XRCC2: variants seen among roughly 807,000 people sequenced by gnomAD.
XRCC2 encodes the protein X-ray repair cross complementing 2, also known as DNA repair protein XRCC2.
A neutral mutation model predicts 27.3 loss-of-function variants in XRCC2; 24 were observed. The ratio of observed to expected loss-of-function variants is 0.88; its 90% CI spans 0.64 to 1.24. The LOEUF (loss-of-function observed/expected upper bound fraction) is 1.24. Ranked by LOEUF, XRCC2 falls within the 50% of genes most tolerant of loss-of-function variation. The pLI is 0.00. For synonymous variants in XRCC2, 106 were observed against 115.4 expected (o/e 0.92, Z 0.52); for missense variants, 321 against 325.8 (o/e 0.99, Z 0.11).
chr7:152,653,779 G>T (rs888486673), intron 2 of XRCC2, among the ~76,000 whole-genome samples: 1 of 152,058 alleles, frequency 6.6e-6, no homozygotes, highest in Non-Finnish European at 1.5e-5. Flanking sequence ...GAAATTTTTA[G>T]TTCACATAAT....
chr7:152,655,869 G>A (rs1386205088), intron 2 of XRCC2, among the ~76,000 whole-genome samples: 1 of 152,050 alleles, frequency 6.6e-6, no homozygotes, highest in African/African-American at 2.4e-5. Flanking sequence ...AAAATTTGCT[G>A]GGCATGGTAG....
At chr7:152,656,663 T>C (rs3218491) in intron 2 of XRCC2, among the ~76,000 whole-genome samples, 9,152 of 152,308 alleles carry the variant, frequency 0.06, 573 homozygotes, top group Admixed American at 0.19. Context: ...AATATTCTAA[T>C]GTAGAAGTTG....
In XRCC2 at chr7:152,673,182, A is replaced by T. The variant is rs1205808779; in HGVS notation, c.39+2859T>A. ...CTTCATCCCTAGAATCTGCTAAAAA[A>T]ATATATATTCTTTTTTTTGAGACAG... On this transcript the variant is annotated intron_variant, in intron 1 of 2. Transcript: ENST00000359321. 5.9e-5 allele frequency among the ~76,000 whole-genome samples: 9 copies of T among 152,184 alleles called. No homozygotes were observed. In the South Asian group the frequency reaches 8.3e-4, roughly 14 times the overall value.
At chr7:152,672,214 TTATAA>T (rs1314953529) in intron 1 of XRCC2, among the ~76,000 whole-genome samples, 24 of 152,222 alleles carry the variant, frequency 1.6e-4, no homozygotes, top group African/African-American at 5.8e-4. Flanking sequence ...AATGGAATAA[TTATAA>T]TGAAGGAACA....
intron 2 of XRCC2, among the ~76,000 whole-genome samples, chr7:152,655,392 C>T (rs2098030283): frequency 6.6e-6 from 1 of 152,162 alleles, no homozygotes; most frequent in African/African-American, 2.4e-5. Context: ...TACTGAATAA[C>T]TCCTATCCAA....
At chr7:152,653,750 C>G (rs1400056936) in intron 2 of XRCC2, among the ~76,000 whole-genome samples, 1 of 152,140 alleles carries the variant, frequency 6.6e-6, no homozygotes, top group African/African-American at 2.4e-5. Flanking sequence ...GCATGCACCA[C>G]CACACCCAAC....
chr7:152,649,815 C>A (rs1253650501), intron 2 of XRCC2, among the ~76,000 whole-genome samples: 1 of 152,154 alleles, frequency 6.6e-6, no homozygotes, highest in Non-Finnish European at 1.5e-5. Flanking sequence ...TACCAGGTAA[C>A]ACAGCTGTCG....
At chr7:152,672,095 T>C (rs972174595) in intron 1 of XRCC2, among the ~76,000 whole-genome samples, 5 of 152,138 alleles carry the variant, frequency 3.3e-5, no homozygotes, top group Non-Finnish European at 7.3e-5. Flanking sequence ...AGCCTAGTTG[T>C]GATTTTCTCT....
chr7:152,675,958 C>T (rs1253506125), intron 1 of XRCC2, 83 bp downstream of exon 1: 5 of 1,588,898 alleles, frequency 3.1e-6, no homozygotes, highest in South Asian at 1.1e-5. Flanking sequence ...CCAAGCCTCC[C>T]AATCCCCCGG....
chr7:152,671,665 A>G (rs964806624), intron 1 of XRCC2, among the ~76,000 whole-genome samples: 3 of 152,206 alleles, frequency 2.0e-5, no homozygotes, highest in Non-Finnish European at 4.4e-5. Flanking sequence ...ATTCCAGGAT[A>G]AGGTTGGATG....
intron 2 of XRCC2, among the ~76,000 whole-genome samples, chr7:152,653,151 A>G (rs2098029253): frequency 6.6e-6 from 1 of 152,122 alleles, no homozygotes; most frequent in African/African-American, 2.4e-5. Flanking sequence ...TTCTCGTGAT[A>G]GTGAGTAAGT....
chr7:152,666,860 C>A (rs1427696462), intron 1 of XRCC2, among the ~76,000 whole-genome samples: 1 of 151,702 alleles, frequency 6.6e-6, no homozygotes, highest in African/African-American at 2.4e-5. Flanking sequence ...TCAGGTGATC[C>A]ACCCGCCTCA....
rs556098889 is a variant in XRCC2 at position 152,645,863 on chromosome 7, G to C, written c.*2779C>G. ...ACCCAGGAGTTCGAGGCTGCAGTGA[G>C]TTATGATGCCACTGCACTCCAGCCT... On this transcript the variant is annotated 3_prime_UTR_variant, in exon 3 of 3. Coordinates refer to ENST00000359321, the MANE Select transcript of XRCC2 (RefSeq NM_005431.2). 1 of 152,278 alleles carries C rather than the reference G, an allele frequency of 6.6e-6. No homozygotes were observed. Among genetic ancestry groups the C allele is most frequent in the South Asian group, 2.1e-4 (1 of 4,834 alleles). The allele number at this position is 152,278 out of a possible 1,614,324, so 9.4% of individuals were successfully genotyped here. A position where few individuals can be genotyped will look rare whatever the true frequency, so the allele number is the denominator to read the frequency against.
Position 152,650,696 on chromosome 7 carries a change from G to C in XRCC2, c.122-1333C>G, listed in dbSNP as rs759082304. 2.6e-5 allele frequency among the ~76,000 whole-genome samples: 4 copies of C among 152,206 alleles called. No individual in the cohort carries two copies. The South Asian group carries it at 8.3e-4, about 32-fold the overall frequency. On this transcript the variant is annotated intron_variant, in intron 2 of 2. Coordinates refer to ENST00000359321, the MANE Select transcript of XRCC2 (RefSeq NM_005431.2). ...ACCTGAGGTCAGGAATTCAAGACCA[G>C]CCTGGCCAACATACTGAAACCCTAC... is the stretch of plus-strand genomic sequence containing the variant.
At position 152,650,007 on chromosome 7, in the gene XRCC2, A is replaced by G. The variant is rs3218531; in HGVS notation, c.122-644T>C. Among the ~76,000 whole-genome samples the G allele has an allele frequency of 8.4e-3, 1,281 of 152,300 alleles. 41 individuals carry two copies. Among genetic ancestry groups the G allele is most frequent in the Admixed American group, 0.061 (937 of 15,288 alleles). The stretch of plus-strand genomic sequence containing the variant: ...AGGACTCTGGGCACACGGAGCCCCC[A>G]CCAGCCACGCACAGCCTGCCTCTGT... On this transcript the variant is annotated intron_variant, in intron 2 of 2. Transcript: ENST00000359321.
chr7:152,660,825 T>G (rs747539893), intron 1 of XRCC2, 43 bp from the exon 2 acceptor site: 2 of 1,503,940 alleles, frequency 1.3e-6, no homozygotes, highest in Admixed American at 3.8e-5. Context: ...TTTAAAAATA[T>G]AAAATCCTAG....
chr7:152,657,828 A>T (rs2098031322), intron 2 of XRCC2, among the ~76,000 whole-genome samples: 1 of 152,204 alleles, frequency 6.6e-6, no homozygotes, highest in African/African-American at 2.4e-5. Context: ...GAAAACAATG[A>T]CAAGGGAATT....
intron 1 of XRCC2, among the ~76,000 whole-genome samples, chr7:152,674,791 T>TATATAA (rs2098040177): frequency 1.1e-3 from 12 of 11,224 alleles, no homozygotes; most frequent in East Asian, 3.9e-3. Flanking sequence ...AATATATATA[T>TATATAA]ATCTATGGTT....
In XRCC2 at chr7:152,675,431, A is replaced by G. The variant is rs567246972; in HGVS notation, c.39+610T>C. 3.3e-5 allele frequency among the ~76,000 whole-genome samples: 5 copies of G among 152,220 alleles called. No individual in the cohort carries two copies. In the South Asian group the frequency reaches 1.0e-3, roughly 32 times the overall value. ...TTTTGTTGCTTACTCCTATCCCTTA[A>G]CACGTAGTTGACACACAGTAAGTGC... On this transcript the variant is annotated intron_variant, in intron 1 of 2. Coordinates refer to ENST00000359321, the MANE Select transcript of XRCC2 (RefSeq NM_005431.2).
Sources: gnomAD v4.1 joint callset for allele counts (sites outside exome capture counted in the v4.1 genomes callset) on GRCh38, gnomAD v4.1.1 for gene constraint, MANE v1.5 for transcripts, NCBI Gene and HGNC (gene_info 2026-07-23, HGNC 2026-07-21) for gene names.